Variants in KIF26B observed in about 807,000 individuals in gnomAD.
The protein encoded by KIF26B is kinesin family member 26B.
A neutral mutation model predicts 151.2 loss-of-function variants in KIF26B; 63 were observed. The observed-to-expected ratio is 0.42, with a 90% CI of 0.34 to 0.51. The LOEUF is 0.51. KIF26B is among the 20% of genes least tolerant of loss of function. The pLI, the probability that KIF26B is intolerant of heterozygous loss-of-function variation, is 0.07. For synonymous variants in KIF26B, 1,357 were observed against 1,262.1 expected (o/e 1.08, Z -1.59); for missense variants, 2,813 against 2,913.6 (o/e 0.97, Z 0.79).
At position 245,183,804 on chromosome 1, in the gene KIF26B, A is replaced by C. The variant is rs192240948; in HGVS notation, c.465+27121A>C. Reference sequence around the variant, plus strand: ...CTCACCTGCATGGGGTTGGGGAACAAAGCAAATTAAGCATCAGAGAAAGAC... The same window carrying C: ...CTCACCTGCATGGGGTTGGGGAACACAGCAAATTAAGCATCAGAGAAAGAC... On this transcript the variant is annotated intron_variant, in intron 2 of 14. Coordinates refer to ENST00000407071, the MANE Select transcript of KIF26B (RefSeq NM_018012.4). Among the ~76,000 whole-genome samples the C allele has an allele frequency of 3.7e-3, 568 of 152,152 alleles. 1 individual carries two copies. The highest frequency in any genetic ancestry group is 8.7e-3 in the South Asian group (42 of 4,818).
At chr1:245,203,959 G>A (rs1433820911) in intron 2 of KIF26B, among the ~76,000 whole-genome samples, 1 of 152,312 alleles carries the variant, frequency 6.6e-6, no homozygotes, top group East Asian at 1.9e-4. Flanking sequence ...ATCAACCAAA[G>A]CTACTTGAAT....
intron 9 of KIF26B, among the ~76,000 whole-genome samples, chr1:245,645,852 C>T (rs1375664878): frequency 6.6e-6 from 1 of 152,172 alleles, no homozygotes; most frequent in Non-Finnish European, 1.5e-5. Context: ...TTCAGTTCAA[C>T]CTGCAAGAAT....
chr1:245,451,157 T>C lies in KIF26B; in HGVS notation c.1166+31412T>C, dbSNP rs193040658. The stretch of plus-strand genomic sequence containing the variant: ...TTCTTCCTTCTGCTTTATGTTATTC[T>C]TTTTTGTAACTTTTAGAATTTGGAA... On this transcript the variant is annotated intron_variant, in intron 4 of 14. Coordinates refer to ENST00000407071, the MANE Select transcript of KIF26B (RefSeq NM_018012.4). Among the ~76,000 whole-genome samples, 172 of 152,280 alleles carry C rather than the reference T, an allele frequency of 1.1e-3. 1 individual carries two copies. The highest frequency in any genetic ancestry group is 2.0e-3 in the Non-Finnish European group (133 of 68,010).
intron 10 of KIF26B, among the ~76,000 whole-genome samples, chr1:245,674,900 C>T (rs2044339728): frequency 6.6e-6 from 1 of 152,160 alleles, no homozygotes; most frequent in Admixed American, 6.5e-5. Context: ...CTACTGCAAG[C>T]AATTAGGGTC....
In KIF26B at chr1:245,579,848, CAAA is replaced by C. The variant is rs1293025462; in HGVS notation, c.1351-22728_1351-22726del. ...GGGCAACAAGAGTGAAACTTCATCTCAAAGAAAAAAAAAAAAAAAGAGCTTTGA... is the reference window on the plus strand; with the variant it reads ...GGGCAACAAGAGTGAAACTTCATCTCGAAAAAAAAAAAAAAAGAGCTTTGA... On this transcript the variant is annotated intron_variant, in intron 5 of 14. Transcript: ENST00000407071. 8.6e-3 allele frequency among the ~76,000 whole-genome samples: 1,177 copies of C among 136,366 alleles called. 16 individuals carry two copies. The highest frequency in any genetic ancestry group is 0.03 in the African/African-American group (1,104 of 36,306). 89.5% of individuals were successfully genotyped at this position (136,366 alleles called of 152,430 possible).
chr1:245,318,796 G>T lies in KIF26B; in HGVS notation c.466-48038G>T, dbSNP rs1400384090. Among the ~76,000 whole-genome samples the T allele has an allele frequency of 6.6e-6, 1 of 151,878 alleles. No homozygotes were observed. The highest frequency in any genetic ancestry group is 2.4e-5 in the African/African-American group (1 of 41,320). On this transcript the variant is annotated intron_variant, in intron 2 of 14. Coordinates refer to ENST00000407071, the MANE Select transcript of KIF26B (RefSeq NM_018012.4). This position sits in a 1 kb window ranked among gnomAD's most constrained non-coding sequence, Gnocchi z 4.0. ...AGAGTAGGTCAACAGGGGCTAATGA[G>T]ACAAGATCTAACTAAACAGAGTAAA...
At chr1:245,157,829 C>T (rs745439794) in intron 2 of KIF26B, among the ~76,000 whole-genome samples, 1 of 152,248 alleles carries the variant, frequency 6.6e-6, no homozygotes, top group African/African-American at 2.4e-5. Context: ...CTCTTGCGTG[C>T]TAGACCTTCC....
intron 2 of KIF26B, among the ~76,000 whole-genome samples, chr1:245,285,348 C>T (rs1671146591): frequency 6.6e-6 from 1 of 152,170 alleles, no homozygotes; most frequent in Admixed American, 6.5e-5. Context: ...TAGAGCCACT[C>T]ATGTGGTCCT....
At chr1:245,219,209 G>C (rs1288054072) in intron 2 of KIF26B, among the ~76,000 whole-genome samples, 1 of 125,816 alleles carries the variant, frequency 7.9e-6, no homozygotes, top group East Asian at 2.6e-4. Context: ...TGCGATCTCA[G>C]CTCACTGCAA....
chr1:245,410,983 A>C (rs1364481981), intron 3 of KIF26B, among the ~76,000 whole-genome samples: 2 of 152,158 alleles, frequency 1.3e-5, no homozygotes, highest in Non-Finnish European at 2.9e-5. Context: ...GCTCTTCTGT[A>C]TTATTTTTAA....
chr1:245,436,890 C>CTCTT, intron 4 of KIF26B, among the ~76,000 whole-genome samples: 1 of 122,342 alleles, frequency 8.2e-6, no homozygotes, highest in African/African-American at 3.0e-5. Flanking sequence ...TTCTCCCTCT[C>CTCTT]TTTTTTTTTT....
At chr1:245,404,682 T>C (rs1320724216) in intron 3 of KIF26B, among the ~76,000 whole-genome samples, 4 of 152,198 alleles carry the variant, frequency 2.6e-5, no homozygotes, top group Non-Finnish European at 4.4e-5. Flanking sequence ...GGCTGGAATG[T>C]TACAGCCACA....
At chr1:245,557,947 C>G (rs369470521) in intron 5 of KIF26B, among the ~76,000 whole-genome samples, 1 of 152,048 alleles carries the variant, frequency 6.6e-6, no homozygotes, top group African/African-American at 2.4e-5. Context: ...GTTTCAGGAG[C>G]GAGAAATCCA....
At position 245,687,780 on chromosome 1, in the gene KIF26B, C is replaced by G. The variant is rs761656914; in HGVS notation, c.4797C>G (p.Pro1599=). The G allele has an allele frequency of 1.9e-6, 3 of 1,585,006 alleles. No individual in the cohort carries two copies. Reference sequence around the variant, plus strand: ...GGCCCAAAGGGACTCCCCCTCTGCCCCCTGTCCGAAAGTCCAGCCTGGACC... The same window carrying G: ...GGCCCAAAGGGACTCCCCCTCTGCCGCCTGTCCGAAAGTCCAGCCTGGACC... ...LARPKGTPPL[P]PVRKSSLDQK... The change falls in exon 12 of 15, where the codon CCC becomes CCG. Residue 1599 remains proline (P), a synonymous_variant. Coordinates refer to ENST00000407071, the MANE Select transcript of KIF26B (RefSeq NM_018012.4). This position sits in a 1 kb window ranked among gnomAD's most constrained non-coding sequence, Gnocchi z 4.9.
chr1:245,635,034 T>C (rs1209660423), intron 9 of KIF26B, among the ~76,000 whole-genome samples: 2 of 151,972 alleles, frequency 1.3e-5, no homozygotes, highest in African/African-American at 4.8e-5. Flanking sequence ...ATATGGCTCT[T>C]TAATATTTTA....
chr1:245,167,804 G>A lies in KIF26B; in HGVS notation c.465+11121G>A, dbSNP rs1668639258. On this transcript the variant is annotated intron_variant, in intron 2 of 14. Transcript: ENST00000407071. This position sits in a 1 kb window ranked among gnomAD's most constrained non-coding sequence, Gnocchi z 4.2. ...CATCAGGTGTCCTTTACCAAGACAG[G>A]CAGCGTGGTGATGGGGGCTGAGGGA... Among the ~76,000 whole-genome samples, 1 of 152,104 alleles carries A rather than the reference G, an allele frequency of 6.6e-6. No individual in the cohort carries two copies. Among genetic ancestry groups the A allele is most frequent in the Non-Finnish European group, 1.5e-5 (1 of 68,024 alleles).
chr1:245,156,441 A>G lies in KIF26B; in HGVS notation c.223A>G (p.Thr75Ala), dbSNP rs1057402055. 1.3e-6 allele frequency: 2 copies of G among 1,524,780 alleles called. No individual in the cohort carries two copies. The highest frequency in any genetic ancestry group is 2.8e-5 in the African/African-American group (2 of 70,552). 94.5% of individuals were successfully genotyped at this position (1,524,780 alleles called of 1,614,324 possible). A position where few individuals can be genotyped will look rare whatever the true frequency, so the allele number is the denominator to read the frequency against. Residue 75 changes from threonine (T) to alanine (A), a missense_variant, in exon 2 of 15, where the codon ACC (threonine) becomes GCC (alanine). By Grantham distance (58) the Thr-to-Ala change is moderately conservative. Transcript: ENST00000407071. ...SSGTPSPGSGTSSPSSFTGSP... is the reference protein window; with the variant it reads ...SSGTPSPGSGASSPSSFTGSP... ...GGGGACCCCGTCTCCCGGCTCGGGC[A>G]CCTCGTCCCCGAGCTCGTTCACCGG...
intron 2 of KIF26B, among the ~76,000 whole-genome samples, chr1:245,291,014 T>C (rs1671246090): frequency 6.6e-6 from 1 of 152,220 alleles, no homozygotes. Context: ...CTGGGGGTGT[T>C]GTCTCTTTTC....
intron 4 of KIF26B, among the ~76,000 whole-genome samples, chr1:245,497,268 C>G (rs572727780): frequency 1.1e-4 from 16 of 152,024 alleles, no homozygotes; most frequent in Non-Finnish European, 1.9e-4. Context: ...ATGTCTCTCT[C>G]AAAAACTGAT....
Sources: gnomAD v4.1 joint callset for allele counts (sites outside exome capture counted in the v4.1 genomes callset) on GRCh38, gnomAD v4.1.1 for gene constraint, Gnocchi (gnomAD v3.1) non-coding constraint, MANE v1.5 for transcripts, NCBI Gene and HGNC (gene_info 2026-07-23, HGNC 2026-07-21) for gene names.